Variants in PRR12 observed in about 807,000 individuals in gnomAD.
PRR12 encodes the protein proline rich 12, also known as proline-rich protein 12.
In PRR12, 12 loss-of-function variants were observed where a neutral mutation model predicts 138.0. The observed-to-expected ratio is 0.09, with a 90% CI of 0.06 to 0.14. PRR12 has a LOEUF of 0.14. Among genes scored for constraint, PRR12 ranks in the 10% least tolerant of loss-of-function variants. The pLI, the probability that PRR12 is intolerant of heterozygous loss-of-function variation, is 1.00. For synonymous variants in PRR12, 1,567 were observed against 1,291.7 expected (o/e 1.21, Z -4.57); for missense variants, 2,692 against 2,861.3 (o/e 0.94, Z 1.35).
rs1467662970 is a variant in PRR12, at chr19:49,595,947, TC to T, written c.1616del (p.Pro539GlnfsTer52). The T allele has an allele frequency of 6.2e-7, 1 of 1,600,950 alleles. No homozygotes were observed. The highest frequency in any genetic ancestry group is 8.5e-7 in the Non-Finnish European group (1 of 1,179,648). On this transcript the variant is annotated frameshift_variant, in exon 4 of 14. Coordinates refer to ENST00000418929, the MANE Select transcript of PRR12 (RefSeq NM_020719.3). LOFTEE classifies it high-confidence loss of function. ...CTCGCTCAGCTACAGTACCGGCCAT[TC>T]CCCAGCGCTCTCGGGCCATGGGGGT... Reference protein sequence around the residue: ...SPSLSYSTGHSPALSGHGGGW... With the variant: ...SPSLSYSTGHXPALSGHGGGW...
intron 4 of PRR12, 60 bp downstream of exon 4, chr19:49,598,073 GTC>G (rs2080787368): frequency 3.3e-6 from 4 of 1,195,290 alleles, no homozygotes; most frequent in Non-Finnish European, 4.2e-6. Flanking sequence ...CGATGTTTGA[GTC>G]TTTTTTTTTT....
chr19:49,607,721 A>G (rs1202082093), intron 6 of PRR12, among the ~76,000 whole-genome samples: 2 of 150,876 alleles, frequency 1.3e-5, no homozygotes, highest in East Asian at 2.0e-4. Flanking sequence ...AAGAAAAAAA[A>G]AAAAGAAAAG....
Position 49,614,473 on chromosome 19 carries a change from G to A in PRR12, c.4774-60G>A. ...GGAAGCCAGTGGGCCAGGGCGTAGGGGCAGTAGGTCTAGGAATGAGGGCTG... is the reference window on the plus strand; with the variant it reads ...GGAAGCCAGTGGGCCAGGGCGTAGGAGCAGTAGGTCTAGGAATGAGGGCTG... On this transcript the variant is annotated intron_variant, in intron 6 of 13. Coordinates refer to ENST00000418929, the MANE Select transcript of PRR12 (RefSeq NM_020719.3). This position sits in a 1 kb window ranked among gnomAD's most constrained non-coding sequence, Gnocchi z 5.0. 1 of 1,253,676 alleles carries A rather than the reference G, an allele frequency of 8.0e-7. No homozygotes were observed. Among genetic ancestry groups the A allele is most frequent in the Non-Finnish European group, 1.1e-6 (1 of 918,796 alleles). The allele number at this position is 1,253,676 out of a possible 1,614,324, so 77.7% of individuals were successfully genotyped here. A position where few individuals can be genotyped will look rare whatever the true frequency, so the allele number is the denominator to read the frequency against.
intron 5 of PRR12, among the ~76,000 whole-genome samples, chr19:49,600,499 T>C (rs1218292018): frequency 2.3e-4 from 34 of 144,838 alleles, no homozygotes; most frequent in Non-Finnish European, 4.5e-4. Context: ...AAAAAAACCA[T>C]GACAGGCCGG....
At chr19:49,623,913 C>T (rs2080939170) in intron 11 of PRR12, among the ~76,000 whole-genome samples, 1 of 137,782 alleles carries the variant, frequency 7.3e-6, no homozygotes, top group African/African-American at 2.7e-5. Context: ...TAGGATGGGG[C>T]TGGGAATTCT....
At position 49,591,584 on chromosome 19, in the gene PRR12, G is replaced by A. The variant is rs1444500262; in HGVS notation, c.-71G>A. ...CAGCAGCGGAGGGAGCGGCGGCGGA[G>A]GAGAGCGCGCGCGCGCCCCCTCCCT... is the stretch of plus-strand genomic sequence containing the variant. On this transcript the variant is annotated 5_prime_UTR_variant, in exon 1 of 14. Coordinates refer to ENST00000418929, the MANE Select transcript of PRR12 (RefSeq NM_020719.3). The A allele has an allele frequency of 9.1e-6, 7 of 770,542 alleles. No homozygotes were observed. The highest frequency in any genetic ancestry group is 1.3e-5 in the Non-Finnish European group (7 of 531,862). The allele number at this position is 770,542 out of a possible 1,614,324, so 47.7% of individuals were successfully genotyped here.
chr19:49,624,867 G>A lies in PRR12; in HGVS notation c.5745G>A (p.Gln1915=). ...ALQDALHTFP[Q]LQVEQSGEGS... The stretch of plus-strand genomic sequence containing the variant: ...AGGATGCTCTGCACACGTTCCCACA[G>A]CTGCAAGTGGAGCAGAGTGGGGAGG... The change falls in exon 12 of 14, where the codon CAG becomes CAA. Residue 1915 remains glutamine, a synonymous_variant. Coordinates refer to ENST00000418929, the MANE Select transcript of PRR12 (RefSeq NM_020719.3). 6.2e-7 allele frequency: 1 copy of A among 1,611,672 alleles called. No individual in the cohort carries two copies. The highest frequency in any genetic ancestry group is 8.5e-7 in the Non-Finnish European group (1 of 1,179,222).
At chr19:49,611,904 C>T (rs2080868269) in intron 6 of PRR12, among the ~76,000 whole-genome samples, 1 of 85,676 alleles carries the variant, frequency 1.2e-5, no homozygotes, top group South Asian at 4.7e-4. Flanking sequence ...GCCTGGGCGA[C>T]AGAGCGAGAC....
chr19:49,611,197 C>G (rs1050545992), intron 6 of PRR12, among the ~76,000 whole-genome samples: 3 of 152,056 alleles, frequency 2.0e-5, no homozygotes, highest in African/African-American at 7.2e-5. Flanking sequence ...GTGGCGCATA[C>G]CTGTAGTCCC....
chr19:49,603,512 G>T (rs897004354), intron 6 of PRR12, among the ~76,000 whole-genome samples: 1 of 152,176 alleles, frequency 6.6e-6, no homozygotes, highest in Non-Finnish European at 1.5e-5. Flanking sequence ...CCAACATGGT[G>T]AAACCCCGTC....
chr19:49,621,702 C>CG (rs997388162), intron 11 of PRR12, 80 bp downstream of exon 11: 1 of 1,163,630 alleles, frequency 8.6e-7, no homozygotes, highest in African/African-American at 1.5e-5. Context: ...CCGCTGTTGG[C>CG]GGGGGTGATC....
chr19:49,605,805 C>T (rs2122328941), intron 6 of PRR12, among the ~76,000 whole-genome samples: 1 of 152,350 alleles, frequency 6.6e-6, no homozygotes, highest in East Asian at 1.9e-4. Context: ...GGGGAGGGGG[C>T]CAGGCGAGGA....
chr19:49,625,407 C>T lies in PRR12; in HGVS notation c.5965-54C>T. ...CCAGGCCCCATGCCCCAGCCCCTTC[C>T]CTCCCCAGAGGCCGGTGTGCCACCC... On this transcript the variant is annotated intron_variant, in intron 13 of 13. Transcript: ENST00000418929. This position sits in a 1 kb window ranked among gnomAD's most constrained non-coding sequence, Gnocchi z 5.5. 3 of 1,526,490 alleles carry T rather than the reference C, an allele frequency of 2.0e-6. No homozygotes were observed. The highest frequency in any genetic ancestry group is 1.9e-4 in the Middle Eastern group (1 of 5,162). The allele number at this position is 1,526,490 out of a possible 1,614,324, so 94.6% of individuals were successfully genotyped here. A position where few individuals can be genotyped will look rare whatever the true frequency, so the allele number is the denominator to read the frequency against.
chr19:49,620,270 C>T lies in PRR12; in HGVS notation c.5498-82C>T, dbSNP rs557520141. ...AAAGCAGGGATTTCTCTTCCGGTCC[C>T]CAGTGTTGAGAACAGTGTCTGCCAC... On this transcript the variant is annotated intron_variant, in intron 9 of 13. Transcript: ENST00000418929. 2,790 of 1,567,494 alleles carry T rather than the reference C, an allele frequency of 1.8e-3. 5 individuals are homozygous for T. The highest frequency in any genetic ancestry group is 2.3e-3 in the Non-Finnish European group (2,634 of 1,151,194).
intron 6 of PRR12, among the ~76,000 whole-genome samples, chr19:49,608,002 AGC>A: frequency 6.6e-6 from 1 of 152,146 alleles, no homozygotes; most frequent in East Asian, 1.9e-4. Context: ...CTGGGCAACA[AGC>A]GTGAAACTGA....
At chr19:49,612,114 C>T (rs1046025380) in intron 6 of PRR12, among the ~76,000 whole-genome samples, 4 of 151,406 alleles carry the variant, frequency 2.6e-5, no homozygotes, top group African/African-American at 9.7e-5. Flanking sequence ...GCCTCTAGTC[C>T]CAGCTATTCG....
chr19:49,615,665 CTAGGGCACTGAG>C, intron 8 of PRR12, 70 bp from the exon 9 acceptor site: 1 of 1,159,150 alleles, frequency 8.6e-7, no homozygotes, highest in South Asian at 1.4e-5. Flanking sequence ...ATTCCTGTGC[CTAGGGCACTGAG>C]CAGGGACCCT....
Position 49,599,582 on chromosome 19 carries a change from C to T in PRR12, c.3989C>T (p.Pro1330Leu), listed in dbSNP as rs1469027204. The change falls in exon 5 of 14, where the codon CCT becomes CTT. Residue 1330 changes from proline (P) to leucine (L), a missense_variant. This residue lies in a region of PRR12 where 326 missense variants were observed against 344.2 expected (regional missense o/e 0.95). Transcript: ENST00000418929. This position sits in a 1 kb window ranked among gnomAD's most constrained non-coding sequence, Gnocchi z 5.0. The stretch of plus-strand genomic sequence containing the variant: ...CTGCAGCCCCAGCCCCCTGCCACCC[C>T]TGCTGTGCCACATCCCCCACCTTCC... The part of the protein sequence containing the change: ...RGLQPQPPAT[P>L]AVPHPPPSGA... 1.3e-6 allele frequency: 2 copies of T among 1,595,904 alleles called. No homozygotes were observed. Among genetic ancestry groups the T allele is most frequent in the African/African-American group, 1.3e-5 (1 of 74,512 alleles).
rs1189686168 is a variant in PRR12 at position 49,599,861 on chromosome 19, C to T, written c.4268C>T (p.Pro1423Leu). The T allele has an allele frequency of 6.2e-7, 1 of 1,612,948 alleles. No homozygotes were observed. The highest frequency in any genetic ancestry group is 8.5e-7 in the Non-Finnish European group (1 of 1,179,848). The change falls in exon 5 of 14, where the codon CCC becomes CTC. Residue 1423 changes from proline to leucine, a missense_variant. Transcript: ENST00000418929. This position sits in a 1 kb window ranked among gnomAD's most constrained non-coding sequence, Gnocchi z 5.0. ...GACACTTCCACCCCAGATGGGCCGC[C>T]CTTGGCCCCCGCGGCTGCAGTTCCA... ...PKDTSTPDGP[P>L]LAPAAAVPGP...
Sources: allele counts gnomAD v4.1 joint callset (sites outside exome capture counted in the v4.1 genomes callset), GRCh38; gene constraint gnomAD v4.1.1; regional missense constraint gnomAD v4.1.1; non-coding constraint Gnocchi (gnomAD v3.1); transcripts MANE v1.5; gene names NCBI Gene and HGNC (gene_info 2026-07-23, HGNC 2026-07-21).